MEIKIN: variants seen among roughly 807,000 people sequenced by gnomAD.
MEIKIN encodes meiosis-specific kinetochore protein.
At chr5:131,901,801 AC>A (rs1751161620) in intron 8 of MEIKIN, among the ~76,000 whole-genome samples, 1 of 151,430 alleles carries the variant, frequency 6.6e-6, no homozygotes, top group East Asian at 2.0e-4. Flanking sequence ...CAACAAGAAA[AC>A]CCCCAAGGAT....
At chr5:131,944,047 C>G (rs967147190) in intron 3 of MEIKIN, among the ~76,000 whole-genome samples, 3 of 149,432 alleles carry the variant, frequency 2.0e-5, no homozygotes, top group Non-Finnish European at 4.4e-5. Context: ...GCAGAAGCTG[C>G]AGTCAGTGAG....
At chr5:131,892,435 A>G (rs1437462068) in intron 8 of MEIKIN, among the ~76,000 whole-genome samples, 2 of 151,822 alleles carry the variant, frequency 1.3e-5, no homozygotes, top group Non-Finnish European at 2.9e-5. Context: ...TTTTTCTCTA[A>G]AATTCTCTTC....
At chr5:131,871,899 G>A (rs1750509435) in intron 9 of MEIKIN, among the ~76,000 whole-genome samples, 1 of 152,138 alleles carries the variant, frequency 6.6e-6, no homozygotes, top group Non-Finnish European at 1.5e-5. Flanking sequence ...GTCTGGAGTG[G>A]ACCTCTAGCA....
At chr5:131,846,137 G>T (rs1750016351) in intron 11 of MEIKIN, among the ~76,000 whole-genome samples, 1 of 152,154 alleles carries the variant, frequency 6.6e-6, no homozygotes, top group Non-Finnish European at 1.5e-5. Flanking sequence ...AGTGCTAAAA[G>T]AAAAATATCT....
At chr5:131,908,426 C>T (rs900852487) in intron 8 of MEIKIN, among the ~76,000 whole-genome samples, 7 of 152,146 alleles carry the variant, frequency 4.6e-5, no homozygotes, top group African/African-American at 1.7e-4. Context: ...AAGGAACATA[C>T]CTCAATATAA....
chr5:131,884,625 G>C (rs186540932), intron 8 of MEIKIN, among the ~76,000 whole-genome samples: 44 of 152,152 alleles, frequency 2.9e-4, no homozygotes, highest in African/African-American at 9.4e-4. Flanking sequence ...GTTATGGGAA[G>C]AGACTCTCTG....
intron 5 of MEIKIN, among the ~76,000 whole-genome samples, chr5:131,933,160 C>A (rs577739068): frequency 6.6e-6 from 1 of 151,960 alleles, no homozygotes; most frequent in African/African-American, 2.4e-5. Flanking sequence ...CTTGGCCTAG[C>A]TAACATTTAA....
chr5:131,939,764 A>T (rs543305529), intron 4 of MEIKIN, among the ~76,000 whole-genome samples: 81 of 152,342 alleles, frequency 5.3e-4, no homozygotes, highest in African/African-American at 1.7e-3. Context: ...TCAGAATACA[A>T]GCAGTTTGTA....
chr5:131,905,835 G>A (rs1006559657), intron 8 of MEIKIN, among the ~76,000 whole-genome samples: 6 of 152,126 alleles, frequency 3.9e-5, no homozygotes, highest in African/African-American at 1.4e-4. Flanking sequence ...GCAGAAGACT[G>A]AAACTGGAGA....
At chr5:131,908,986 T>C (rs1413193166) in intron 8 of MEIKIN, among the ~76,000 whole-genome samples, 2 of 152,108 alleles carry the variant, frequency 1.3e-5, no homozygotes, top group African/African-American at 4.8e-5. Flanking sequence ...ATATTGTAAA[T>C]ATGGCCACAC....
At chr5:131,861,186 C>T (rs991451037) in intron 9 of MEIKIN, among the ~76,000 whole-genome samples, 1 of 151,958 alleles carries the variant, frequency 6.6e-6, no homozygotes, top group Non-Finnish European at 1.5e-5. Flanking sequence ...GTCAAGAGAT[C>T]GAGACCATCC....
intron 6 of MEIKIN, among the ~76,000 whole-genome samples, chr5:131,917,770 T>G (rs1751436805): frequency 6.6e-6 from 1 of 152,144 alleles, no homozygotes; most frequent in African/African-American, 2.4e-5. Context: ...TTAGTTTCTG[T>G]GGTACTTATG....
intron 3 of MEIKIN, 137 bp downstream of exon 3, chr5:131,944,524 CGTAA>C (rs888510922): frequency 6.1e-5 from 24 of 394,784 alleles, no homozygotes; most frequent in African/African-American, 1.6e-4. Flanking sequence ...TCTAAAGACA[CGTAA>C]GTGTTTATAA....
intron 8 of MEIKIN, among the ~76,000 whole-genome samples, chr5:131,897,107 G>A (rs1225864706): frequency 6.6e-6 from 1 of 152,192 alleles, no homozygotes; most frequent in Non-Finnish European, 1.5e-5. Flanking sequence ...GCATTTGCTT[G>A]TCTGGAAAGG....
chr5:131,859,591 C>T (rs148069937), intron 9 of MEIKIN, among the ~76,000 whole-genome samples: 11 of 152,266 alleles, frequency 7.2e-5, no homozygotes, highest in African/African-American at 2.6e-4. Context: ...TGAGTAAAAG[C>T]TCCCTGAGGC....
chr5:131,898,099 C>G (rs1751085162), intron 8 of MEIKIN, among the ~76,000 whole-genome samples: 1 of 152,080 alleles, frequency 6.6e-6, no homozygotes, highest in Non-Finnish European at 1.5e-5. Flanking sequence ...TGTGGATGTC[C>G]TTTTCGTTGA....
rs761286568 is a variant in MEIKIN at position 131,809,676 on chromosome 5, C to T, written c.1100-2418G>A. On this transcript the variant is annotated intron_variant, in intron 12 of 12. Transcript: ENST00000442687. The stretch of plus-strand genomic sequence containing the variant: ...CAAAAATTAGCTGGGCGTGGTGGTA[C>T]GTGCCTGTAATCCCAGCTACTCGGG... 3.3e-5 allele frequency among the ~76,000 whole-genome samples: 5 copies of T among 151,880 alleles called. 1 individual carries two copies. The highest frequency in any genetic ancestry group is 4.2e-4 in the South Asian group (2 of 4,808).
chr5:131,867,374 T>G (rs1750401266), intron 9 of MEIKIN, among the ~76,000 whole-genome samples: 1 of 152,154 alleles, frequency 6.6e-6, no homozygotes, highest in South Asian at 2.1e-4. Flanking sequence ...GACACATCAT[T>G]ATCTCAAAAG....
intron 4 of MEIKIN, among the ~76,000 whole-genome samples, chr5:131,938,293 G>A (rs114360607): frequency 0.014 from 2,135 of 150,136 alleles, 39 homozygotes; most frequent in African/African-American, 0.046. Flanking sequence ...CAAAAATTCC[G>A]AGTAGCTGAG....
Sources: allele counts gnomAD v4.1 joint callset (sites outside exome capture counted in the v4.1 genomes callset), GRCh38; gene constraint gnomAD v4.1.1; transcripts MANE v1.5; gene names NCBI Gene and HGNC (gene_info 2026-07-23, HGNC 2026-07-21).